SP4: variants seen among roughly 807,000 people sequenced by gnomAD.
The protein encoded by SP4 is transcription factor Sp4.
SP4 carries 19 observed loss-of-function variants against 72.8 expected under a neutral mutation model. The ratio of observed to expected loss-of-function variants is 0.26; its 90% CI spans 0.18 to 0.38. The LOEUF (loss-of-function observed/expected upper bound fraction) is 0.38, where lower values mean the gene tolerates loss of function less well. Ranked by LOEUF, SP4 falls within the 10% of genes least tolerant of loss-of-function variation. The pLI is 1.00. For missense variants in SP4, 1,008 were observed against 926.3 expected (o/e 1.09, Z -1.14); for synonymous variants, 395 against 333.1 (o/e 1.19, Z -2.02).
intron 3 of SP4, among the ~76,000 whole-genome samples, chr7:21,435,629 T>C (rs1783026665): frequency 1.3e-5 from 2 of 152,206 alleles, no homozygotes; most frequent in Non-Finnish European, 2.9e-5. Flanking sequence ...GGCTAGTCTT[T>C]TTTCAGAGGA....
At chr7:21,440,138 A>C (rs1562587718) in intron 3 of SP4, among the ~76,000 whole-genome samples, 1 of 152,078 alleles carries the variant, frequency 6.6e-6, no homozygotes, top group African/African-American at 2.4e-5. Flanking sequence ...TAAAACTCAC[A>C]TTTTTGCTTG....
intron 3 of SP4, among the ~76,000 whole-genome samples, chr7:21,466,867 C>T (rs1784182895): frequency 1.3e-5 from 2 of 151,924 alleles, no homozygotes; most frequent in Admixed American, 6.6e-5. Flanking sequence ...AGCCTATTCC[C>T]AAATGTATGT....
At chr7:21,450,948 A>G (rs1464863362) in intron 3 of SP4, among the ~76,000 whole-genome samples, 6 of 152,220 alleles carry the variant, frequency 3.9e-5, no homozygotes, top group Admixed American at 3.9e-4. Flanking sequence ...AAATGGGCCA[A>G]GCGGGCGACA....
At chr7:21,437,177 G>A (rs1783076651) in intron 3 of SP4, among the ~76,000 whole-genome samples, 1 of 152,164 alleles carries the variant, frequency 6.6e-6, no homozygotes, top group Non-Finnish European at 1.5e-5. Context: ...AGACAAATGA[G>A]CTTGATAACC....
rs59893862 is a variant in SP4, at chr7:21,488,479, CT to C, written c.2107+6371del. Among the ~76,000 whole-genome samples, 318 of 133,208 alleles carry C rather than the reference CT, an allele frequency of 2.4e-3. 3 individuals carry two copies. The highest frequency in any genetic ancestry group is 4.6e-3 in the Admixed American group (62 of 13,408). 87.4% of individuals were successfully genotyped at this position (133,208 alleles called of 152,430 possible). ...TTGTTTTGCTGATGGACTTCCTTTC[CT>C]TTTTTTTTTTTTTTGTTATTGTAGA... On this transcript the variant is annotated intron_variant, in intron 5 of 5. Transcript: ENST00000222584.
Position 21,477,282 on chromosome 7 carries a change from C to G in SP4, c.1882C>G (p.Pro628Ala), listed in dbSNP as rs140468180. The G allele has an allele frequency of 6.2e-7, 1 of 1,613,108 alleles. No homozygotes were observed. Among genetic ancestry groups the G allele is most frequent in the South Asian group, 1.1e-5 (1 of 90,990 alleles). ...KRLRRVACSC[P>A]NCREGEGRGS... Reference sequence around the variant, plus strand: ...GCTTCGAAGAGTTGCCTGTTCCTGTCCTAATTGTAGGGAAGGAGAAGGAAG... The same window carrying G: ...GCTTCGAAGAGTTGCCTGTTCCTGTGCTAATTGTAGGGAAGGAGAAGGAAG... Residue 628 changes from proline to alanine, a missense_variant, in exon 4 of 6, where the codon CCT becomes GCT. Coordinates refer to ENST00000222584, the MANE Select transcript of SP4 (RefSeq NM_003112.5).
intron 3 of SP4, among the ~76,000 whole-genome samples, chr7:21,437,143 A>G (rs1210388214): frequency 2.0e-5 from 3 of 152,186 alleles, no homozygotes; most frequent in Non-Finnish European, 1.5e-5. Flanking sequence ...TAACACCTCA[A>G]TTTTTTAAAA....
intron 3 of SP4, among the ~76,000 whole-genome samples, chr7:21,468,218 A>G (rs569785525): frequency 8.5e-5 from 13 of 152,244 alleles, no homozygotes; most frequent in East Asian, 1.9e-4. Context: ...GTAGCTACCT[A>G]CATATCTTTA....
intron 5 of SP4, among the ~76,000 whole-genome samples, chr7:21,483,190 GATTAA>G (rs1373708089): frequency 6.6e-6 from 1 of 152,104 alleles, no homozygotes; most frequent in East Asian, 1.9e-4. Context: ...TTATCCATGA[GATTAA>G]GCACCTTTCA....
intron 3 of SP4, among the ~76,000 whole-genome samples, chr7:21,459,861 A>T (rs188786507): frequency 6.6e-6 from 1 of 152,344 alleles, no homozygotes; most frequent in Admixed American, 6.5e-5. Context: ...AAGTTCTGAG[A>T]GCATAAAGGT....
chr7:21,509,368 A>G (rs544137348), intron 5 of SP4, among the ~76,000 whole-genome samples: 1 of 151,536 alleles, frequency 6.6e-6, no homozygotes, highest in East Asian at 1.9e-4. Flanking sequence ...AAAGTATTTT[A>G]TTTTTGTGTA....
chr7:21,461,194 C>T (rs1182889563), intron 3 of SP4, among the ~76,000 whole-genome samples: 1 of 152,186 alleles, frequency 6.6e-6, no homozygotes, highest in Non-Finnish European at 1.5e-5. Context: ...TGCCATGCGC[C>T]CGCACTCCTC....
intron 3 of SP4, among the ~76,000 whole-genome samples, chr7:21,469,707 A>G (rs538674103): frequency 6.6e-6 from 1 of 151,848 alleles, no homozygotes; most frequent in Non-Finnish European, 1.5e-5. Flanking sequence ...ACACCCGGCT[A>G]ATTTTTTTGT....
intron 5 of SP4, among the ~76,000 whole-genome samples, chr7:21,508,560 C>G (rs1782066911): frequency 6.6e-6 from 1 of 152,102 alleles, no homozygotes; most frequent in Non-Finnish European, 1.5e-5. Flanking sequence ...AACTCCTGAC[C>G]TCAGGGTCCA....
At chr7:21,442,829 G>GA (rs1562590162) in intron 3 of SP4, among the ~76,000 whole-genome samples, 1 of 152,128 alleles carries the variant, frequency 6.6e-6, no homozygotes, top group Non-Finnish European at 1.5e-5. Context: ...TCTGCCTTCC[G>GA]GGTTCAAGTG....
In SP4 at chr7:21,505,224, C is replaced by A. The variant is rs545708424; in HGVS notation, c.2108-5798C>A. 7.1e-4 allele frequency among the ~76,000 whole-genome samples: 108 copies of A among 152,300 alleles called. 1 individual carries two copies. The highest frequency in any genetic ancestry group is 2.3e-3 in the African/African-American group (97 of 41,582). The stretch of plus-strand genomic sequence containing the variant: ...CTTAGGCAAAGGCAGACCCACTATT[C>A]CCAGTATTCTCTCTGGGTTTATTCT... On this transcript the variant is annotated intron_variant, in intron 5 of 5. Transcript: ENST00000222584.
chr7:21,501,809 C>G (rs753135557), intron 5 of SP4, among the ~76,000 whole-genome samples: 7 of 152,190 alleles, frequency 4.6e-5, no homozygotes, highest in Non-Finnish European at 1.0e-4. Context: ...ACATACGCCC[C>G]CTTTTTCTGC....
intron 3 of SP4, among the ~76,000 whole-genome samples, chr7:21,455,453 A>G (rs1783732025): frequency 6.6e-6 from 1 of 152,170 alleles, no homozygotes; most frequent in Non-Finnish European, 1.5e-5. Context: ...ATCTGTGAAG[A>G]GAGATCAGAG....
chr7:21,501,036 A>G (rs773634379), intron 5 of SP4, among the ~76,000 whole-genome samples: 8 of 152,140 alleles, frequency 5.3e-5, no homozygotes, highest in Non-Finnish European at 7.4e-5. Flanking sequence ...ACCTCCTAGC[A>G]TGCAAATCCC....
Sources: allele counts gnomAD v4.1 joint callset (sites outside exome capture counted in the v4.1 genomes callset), GRCh38; gene constraint gnomAD v4.1.1; transcripts MANE v1.5; gene names NCBI Gene and HGNC (gene_info 2026-07-23, HGNC 2026-07-21).